The following MAPRE2 variants were observed in gnomAD, a reference collection of about 807,000 sequenced individuals.
The protein encoded by MAPRE2 is microtubule associated protein RP/EB family member 2, also known as microtubule-associated protein RP/EB family member 2.
Under a neutral mutation model 43.2 loss-of-function variants are expected in MAPRE2, and 13 were observed. That is an observed-to-expected ratio of 0.30 (90% confidence interval 0.20 to 0.48). MAPRE2 has a LOEUF of 0.48. Among genes scored for constraint, MAPRE2 ranks in the 20% least tolerant of loss-of-function variants. MAPRE2 has a pLI of 0.99. For synonymous variants in MAPRE2, 135 were observed against 148.8 expected (o/e 0.91, Z 0.68); for missense variants, 161 against 400.2 (o/e 0.40, Z 5.10).
At chr18:35,108,918 TA>T (rs1259780304) in intron 4 of MAPRE2, among the ~76,000 whole-genome samples, 2 of 152,216 alleles carry the variant, frequency 1.3e-5, no homozygotes, top group Middle Eastern at 3.2e-3. Flanking sequence ...TCCCATTCTG[TA>T]GGTTGCCTGT....
exon 2 of MAPRE2, chr18:35,005,549 T>C (rs1206796175): frequency 6.5e-7 from 1 of 1,541,596 alleles, no homozygotes. Flanking sequence ...GCCTGGATGC[T>C]CAAGGTAAGG....
chr18:35,071,998 CGAT>C (rs900973782), intron 2 of MAPRE2, among the ~76,000 whole-genome samples: 2 of 152,166 alleles, frequency 1.3e-5, no homozygotes, highest in Non-Finnish European at 2.9e-5. Context: ...ACTTAGACTA[CGAT>C]GATGATGTAC....
chr18:35,107,021 G>T (rs1367690863), intron 4 of MAPRE2, among the ~76,000 whole-genome samples: 1 of 152,164 alleles, frequency 6.6e-6, no homozygotes, highest in African/African-American at 2.4e-5. Context: ...TCAAAGTTAT[G>T]TAGTTACTAT....
At chr18:35,028,643 A>G (rs1025705230) in intron 2 of MAPRE2, among the ~76,000 whole-genome samples, 4 of 152,208 alleles carry the variant, frequency 2.6e-5, no homozygotes, top group Admixed American at 2.6e-4. Flanking sequence ...TGGAATAATT[A>G]TATTTGGCAA....
intron 2 of MAPRE2, among the ~76,000 whole-genome samples, chr18:35,010,344 T>A (rs867171002): frequency 6.6e-6 from 1 of 152,220 alleles, no homozygotes; most frequent in South Asian, 2.1e-4. Context: ...AGTTCAAGGC[T>A]ACAGTGAGCC....
chr18:35,009,663 T>C (rs1263587871), intron 2 of MAPRE2, among the ~76,000 whole-genome samples: 1 of 152,168 alleles, frequency 6.6e-6, no homozygotes, highest in East Asian at 1.9e-4. Flanking sequence ...AATGAGTACA[T>C]TTACTGAGAA....
intron 2 of MAPRE2, among the ~76,000 whole-genome samples, chr18:35,014,266 T>C (rs1479140699): frequency 6.6e-6 from 1 of 152,046 alleles, no homozygotes; most frequent in African/African-American, 2.4e-5. Flanking sequence ...TTGAAACATC[T>C]GGTTTATGAA....
chr18:35,132,507 A>G (rs1910204363), intron 6 of MAPRE2, among the ~76,000 whole-genome samples: 1 of 152,232 alleles, frequency 6.6e-6, no homozygotes, highest in African/African-American at 2.4e-5. Flanking sequence ...AAGAATTTGT[A>G]TACGGATTCC....
chr18:35,007,077 A>G (rs148844004), intron 2 of MAPRE2, among the ~76,000 whole-genome samples: 41 of 152,336 alleles, frequency 2.7e-4, no homozygotes, highest in Non-Finnish European at 5.1e-4. Flanking sequence ...GTGGAAAGGT[A>G]CCTGAGGGCA....
intron 3 of MAPRE2, among the ~76,000 whole-genome samples, chr18:35,098,838 T>C (rs1908545275): frequency 6.6e-6 from 1 of 152,188 alleles, no homozygotes; most frequent in African/African-American, 2.4e-5. Flanking sequence ...ACACACAGAA[T>C]GGATGAGCAG....
rs1257352138 is a variant in MAPRE2 at position 35,127,227 on chromosome 18, A to G, written c.750+140A>G. 8 of 827,408 alleles carry G rather than the reference A, an allele frequency of 9.7e-6. No homozygotes were observed. In the East Asian group the frequency reaches 1.6e-4, roughly 16 times the overall value. The allele number at this position is 827,408 out of a possible 1,614,324, so 51.3% of individuals were successfully genotyped here. ...TTTCAAGTAAGTGAGAATAAAAAGA[A>G]TTGTTCGAAGACAAAATCAGTAGCC... is the stretch of plus-strand genomic sequence containing the variant. On this transcript the variant is annotated intron_variant, in intron 5 of 6. Coordinates refer to ENST00000300249, the MANE Select transcript of MAPRE2 (RefSeq NM_014268.4).
chr18:35,119,597 T>A (rs1362567381), intron 4 of MAPRE2, among the ~76,000 whole-genome samples: 1 of 152,158 alleles, frequency 6.6e-6, no homozygotes, highest in Non-Finnish European at 1.5e-5. Flanking sequence ...TTAGGATAAT[T>A]TAGAAGAAGC....
upstream of MAPRE2, among the ~76,000 whole-genome samples, chr18:35,038,950 C>A (rs957514138): frequency 6.6e-6 from 1 of 152,172 alleles, no homozygotes; most frequent in Non-Finnish European, 1.5e-5. Flanking sequence ...CCTTTTTAGA[C>A]CATCAGCCCA....
chr18:35,006,492 G>A (rs550286967), intron 2 of MAPRE2, among the ~76,000 whole-genome samples: 11 of 152,294 alleles, frequency 7.2e-5, no homozygotes, highest in Non-Finnish European at 1.0e-4. Context: ...TACCATATTT[G>A]TTTTGGGGCC....
chr18:35,120,733 T>C (rs1477664610), intron 4 of MAPRE2, among the ~76,000 whole-genome samples: 1 of 152,212 alleles, frequency 6.6e-6, no homozygotes, highest in Non-Finnish European at 1.5e-5. Flanking sequence ...TTACTTTTTT[T>C]TTTAACCAAG....
At chr18:35,139,361 C>G (rs905402201) in intron 6 of MAPRE2, among the ~76,000 whole-genome samples, 1 of 152,152 alleles carries the variant, frequency 6.6e-6, no homozygotes, top group Non-Finnish European at 1.5e-5. Context: ...ATTAGCCATG[C>G]TCCCTCAGCT....
At chr18:35,084,272 TC>T (rs1474682174) in intron 2 of MAPRE2, among the ~76,000 whole-genome samples, 1 of 151,880 alleles carries the variant, frequency 6.6e-6, no homozygotes, top group African/African-American at 2.4e-5. Flanking sequence ...AGACTCCATC[TC>T]AAAAAAAAAT....
chr18:35,091,466 G>T (rs961007252), intron 2 of MAPRE2, among the ~76,000 whole-genome samples: 3 of 151,894 alleles, frequency 2.0e-5, no homozygotes, highest in Admixed American at 2.0e-4. Flanking sequence ...TTTTGGATAA[G>T]GTGTACTTAA....
rs114720847 is a variant in MAPRE2, at chr18:35,078,760, C to T, written c.250+8438C>T. 5.6e-3 allele frequency among the ~76,000 whole-genome samples: 846 copies of T among 152,260 alleles called. 9 individuals carry two copies. The highest frequency in any genetic ancestry group is 0.019 in the African/African-American group (805 of 41,536). On this transcript the variant is annotated intron_variant, in intron 2 of 6. Coordinates refer to ENST00000300249, the MANE Select transcript of MAPRE2 (RefSeq NM_014268.4). ...AGAAAAGAAAGAAAGTCTTTATCTC[C>T]ATCCTTTACATTCTACTTGAAGAAA...
Sources: allele counts gnomAD v4.1 joint callset (sites outside exome capture counted in the v4.1 genomes callset), GRCh38; gene constraint gnomAD v4.1.1; transcripts MANE v1.5; gene names NCBI Gene and HGNC (gene_info 2026-07-23, HGNC 2026-07-21).